The following TAMM41 variants were observed in gnomAD, a reference collection of about 807,000 sequenced individuals.
TAMM41 encodes the protein phosphatidate cytidylyltransferase, mitochondrial.
Under a neutral mutation model 44.1 loss-of-function variants are expected in TAMM41, and 36 were observed. The ratio of observed to expected loss-of-function variants is 0.82; its 90% CI spans 0.63 to 1.08. The LOEUF (loss-of-function observed/expected upper bound fraction) is 1.08, where lower values mean the gene tolerates loss of function less well. Ranked by LOEUF, TAMM41 falls within the 50% of genes least tolerant of loss-of-function variation. The pLI, the probability that TAMM41 is intolerant of heterozygous loss-of-function variation, is 0.00. For missense variants in TAMM41, 417 were observed against 404.3 expected, an observed-to-expected ratio of 1.03 and a Z score of -0.27; for synonymous variants, 164 against 153.1, an observed-to-expected ratio of 1.07 and a Z score of -0.53.
At chr3:11,807,754 A>G (rs979667026) in intron 7 of TAMM41, 79 bp downstream of exon 7, 3 of 1,536,120 alleles carry the variant, frequency 2.0e-6, no homozygotes, top group South Asian at 2.4e-5. Context: ...TAAAAGATAC[A>G]AAGCTTTACA....
At chr3:11,798,714 G>A (rs1048132066) in intron 7 of TAMM41, among the ~76,000 whole-genome samples, 7 of 152,154 alleles carry the variant, frequency 4.6e-5, no homozygotes, top group Non-Finnish European at 1.0e-4. Context: ...TTACTGTGAG[G>A]ATGAGGAAAG....
chr3:11,765,158 A>G, the TAMM41 span, among the ~76,000 whole-genome samples: 1 of 152,174 alleles, frequency 6.6e-6, no homozygotes, highest in Non-Finnish European at 1.5e-5. Context: ...AGAACTGACA[A>G]TATAAGCCTT....
intron 3 of TAMM41, among the ~76,000 whole-genome samples, chr3:11,838,641 C>T (rs2079290558): frequency 6.6e-6 from 1 of 152,178 alleles, no homozygotes. Context: ...ACGACTTCTC[C>T]GGGCATGTCA....
chr3:11,826,530 CAAAAAAAAAAAA>C (rs11388352), intron 4 of TAMM41, among the ~76,000 whole-genome samples: 1 of 62,222 alleles, frequency 1.6e-5, no homozygotes, highest in Admixed American at 2.1e-4. Flanking sequence ...CCTTGTCTCT[CAAAAAAAAAAAA>C]AAAAAAAAAA....
chr3:11,774,266 C>G, the TAMM41 span, among the ~76,000 whole-genome samples: 89,204 of 152,020 alleles, frequency 0.59, 27,035 homozygotes, highest in East Asian at 0.77. Context: ...CAGAGCCAGG[C>G]AGAGCTCTCT....
At chr3:11,783,723 G>A in the TAMM41 span, among the ~76,000 whole-genome samples, 2 of 152,104 alleles carry the variant, frequency 1.3e-5, no homozygotes, top group Non-Finnish European at 2.9e-5. Context: ...GCTTAGCTGT[G>A]GTATGGTATA....
intron 1 of TAMM41, 31 bp from the exon 2 acceptor site, chr3:11,844,242 G>C (rs774051683): frequency 1.3e-6 from 2 of 1,599,416 alleles, no homozygotes; most frequent in Admixed American, 1.7e-5. Context: ...AATAATTTCA[G>C]TATTAATTCC....
intron 5 of TAMM41, among the ~76,000 whole-genome samples, chr3:11,813,828 A>ATGTGTGTGTGTGTGTGTG (rs143683206): frequency 7.0e-6 from 1 of 143,106 alleles, no homozygotes; most frequent in Admixed American, 7.1e-5. Context: ...GTACAAATAT[A>ATGTGTGTGTGTGTGTGTG]TGTGTGTGTG....
intron 6 of TAMM41, 73 bp from the exon 7 acceptor site, chr3:11,807,968 C>G: frequency 1.4e-6 from 2 of 1,456,044 alleles, no homozygotes; most frequent in Non-Finnish European, 1.8e-6. Flanking sequence ...AGTTTTAAAA[C>G]TTGAAACTAA....
chr3:11,792,008 G>C (rs761361223), intron 7 of TAMM41, among the ~76,000 whole-genome samples: 4 of 152,126 alleles, frequency 2.6e-5, no homozygotes, highest in Non-Finnish European at 5.9e-5. Context: ...CCGAATACAG[G>C]TAGTTATACA....
intron 7 of TAMM41, among the ~76,000 whole-genome samples, chr3:11,802,807 T>C (rs1353347848): frequency 6.6e-6 from 1 of 152,126 alleles, no homozygotes; most frequent in Non-Finnish European, 1.5e-5. Flanking sequence ...CTCAACAAAA[T>C]ACTAGCAAAT....
At chr3:11,775,037 T>G in the TAMM41 span, among the ~76,000 whole-genome samples, 172 of 152,082 alleles carry the variant, frequency 1.1e-3, no homozygotes, top group Non-Finnish European at 2.0e-3. Context: ...GCCCGGCTAA[T>G]TTTTGTATTT....
the TAMM41 span, among the ~76,000 whole-genome samples, chr3:11,731,041 T>G: frequency 6.6e-6 from 1 of 152,124 alleles, no homozygotes; most frequent in East Asian, 1.9e-4. Flanking sequence ...TAGAAAAGTG[T>G]GTGTATGCGT....
chr3:11,756,818 T>C, the TAMM41 span, among the ~76,000 whole-genome samples: 3 of 150,404 alleles, frequency 2.0e-5, no homozygotes, highest in African/African-American at 4.9e-5. Context: ...TGAGCTGAGA[T>C]TGCGCCACTG....
At chr3:11,728,472 A>G in the TAMM41 span, among the ~76,000 whole-genome samples, 3 of 152,248 alleles carry the variant, frequency 2.0e-5, no homozygotes, top group Non-Finnish European at 4.4e-5. Flanking sequence ...ACAAGTATAT[A>G]TGAAAGCATT....
chr3:11,807,994 A>G (rs2077970121), intron 6 of TAMM41, 99 bp from the exon 7 acceptor site: 4 of 1,445,006 alleles, frequency 2.8e-6, no homozygotes, highest in Middle Eastern at 1.9e-4. Context: ...CTTTCTAGTC[A>G]GCCAATCAAA....
At chr3:11,731,599 G>A in the TAMM41 span, among the ~76,000 whole-genome samples, 29 of 152,284 alleles carry the variant, frequency 1.9e-4, no homozygotes, top group African/African-American at 5.5e-4. Flanking sequence ...AATGGGTTTG[G>A]GTCCCAAATA....
chr3:11,729,508 TCTTTCTTTCTTTCTTTC>T, the TAMM41 span, among the ~76,000 whole-genome samples: 1 of 141,466 alleles, frequency 7.1e-6, no homozygotes, highest in Admixed American at 7.6e-5. Flanking sequence ...TCTTTTTCTT[TCTTTCTTTCTTTCTTTC>T]TTTTCTTTCT....
chr3:11,806,201 C>T (rs1242439796), intron 7 of TAMM41, among the ~76,000 whole-genome samples: 11 of 152,162 alleles, frequency 7.2e-5, no homozygotes, highest in Non-Finnish European at 1.5e-4. Flanking sequence ...ACTAACGCAG[C>T]GTTGTGTTCA....
Sources: gnomAD v4.1 joint callset for allele counts (sites outside exome capture counted in the v4.1 genomes callset) on GRCh38, gnomAD v4.1.1 for gene constraint, MANE v1.5 for transcripts, NCBI Gene and HGNC (gene_info 2026-07-23, HGNC 2026-07-21) for gene names.